RNF121: variants seen among roughly 807,000 people sequenced by gnomAD.
The protein encoded by RNF121 is ring finger protein 121.
Under a neutral mutation model 46.5 loss-of-function variants are expected in RNF121, and 21 were observed. The observed-to-expected ratio is 0.45, with a 90% CI of 0.32 to 0.65. The LOEUF (loss-of-function observed/expected upper bound fraction) is 0.65. Among genes scored for constraint, RNF121 ranks in the 30% least tolerant of loss-of-function variants. The pLI is 0.04. For missense variants in RNF121, 346 were observed against 416.0 expected, an observed-to-expected ratio of 0.83 and a Z score of 1.46; for synonymous variants, 139 against 144.7, an observed-to-expected ratio of 0.96 and a Z score of 0.28.
At position 71,990,720 on chromosome 11, in the gene RNF121, A is replaced by G. The variant is rs1311607480; in HGVS notation, c.627+3A>G. On this transcript the variant is annotated splice_donor_region_variant and intron_variant, in intron 6 of 8. Coordinates refer to ENST00000361756, the MANE Select transcript of RNF121 (RefSeq NM_018320.5). Reference sequence around the variant, plus strand: ...ACTACATGGCATCTACCATAGGGGTAAGTTCATCCGGGTTCTTAAATACTG... The same window carrying G: ...ACTACATGGCATCTACCATAGGGGTGAGTTCATCCGGGTTCTTAAATACTG... The G allele has an allele frequency of 1.9e-6, 3 of 1,613,588 alleles. No individual in the cohort carries two copies. The highest frequency in any genetic ancestry group is 2.2e-5 in the East Asian group (1 of 44,878).
chr11:71,985,169 C>G (rs911006853), intron 4 of RNF121, among the ~76,000 whole-genome samples: 1 of 152,056 alleles, frequency 6.6e-6, no homozygotes, highest in Non-Finnish European at 1.5e-5. Context: ...TCAAAGAATC[C>G]TCCCACTTCA....
chr11:71,991,157 G>A (rs1954856423), intron 6 of RNF121, among the ~76,000 whole-genome samples: 1 of 151,968 alleles, frequency 6.6e-6, no homozygotes, highest in African/African-American at 2.4e-5. Flanking sequence ...TCGCACCCCA[G>A]ACCTCAGTAT....
chr11:71,989,732 C>G (rs1225179393), intron 5 of RNF121, among the ~76,000 whole-genome samples: 3 of 152,086 alleles, frequency 2.0e-5, no homozygotes, highest in African/African-American at 7.2e-5. Context: ...GATCTTTATC[C>G]TTCTTGTTAA....
chr11:71,981,298 C>T (rs1954649285), intron 3 of RNF121, among the ~76,000 whole-genome samples: 1 of 152,170 alleles, frequency 6.6e-6, no homozygotes, highest in Non-Finnish European at 1.5e-5. Context: ...GATCCACCCA[C>T]CTCAGCCTCC....
chr11:71,987,158 A>C (rs1459357835), intron 5 of RNF121, 47 bp downstream of exon 5: 3 of 1,209,146 alleles, frequency 2.5e-6, no homozygotes, highest in East Asian at 2.3e-5. Context: ...GGGAGGAGTG[A>C]CTGTTGAGAT....
chr11:71,979,988 G>A (rs1954612994), intron 3 of RNF121, among the ~76,000 whole-genome samples: 1 of 152,160 alleles, frequency 6.6e-6, no homozygotes. Context: ...TCATGAGTTG[G>A]GTTGCGTTTT....
At chr11:71,950,926 G>T (rs932417722) in intron 1 of RNF121, among the ~76,000 whole-genome samples, 1 of 152,144 alleles carries the variant, frequency 6.6e-6, no homozygotes, top group South Asian at 2.1e-4. Flanking sequence ...CATTTTAGCT[G>T]AAGAATGCAA....
chr11:71,932,383 T>C (rs909012025), intron 1 of RNF121, among the ~76,000 whole-genome samples: 14 of 152,252 alleles, frequency 9.2e-5, no homozygotes, highest in Non-Finnish European at 1.8e-4. Context: ...GAAGTACAGC[T>C]TCTGATCCAG....
rs184118409 is a variant in RNF121, at chr11:71,977,847, G to A, written c.244-4914G>A. Reference sequence around the variant, plus strand: ...GTTTATATCGCATTAGCCAAGTCCTGGAGGGCCAAGGCTTTCATGCTTTCC... The same window carrying A: ...GTTTATATCGCATTAGCCAAGTCCTAGAGGGCCAAGGCTTTCATGCTTTCC... On this transcript the variant is annotated intron_variant, in intron 3 of 8. Transcript: ENST00000361756. 2.6e-5 allele frequency among the ~76,000 whole-genome samples: 4 copies of A among 152,248 alleles called. No individual in the cohort carries two copies. In the East Asian group the frequency reaches 7.7e-4, roughly 29 times the overall value.
chr11:71,942,785 T>TATATATATATATATATATATATATAG (rs1445316481), intron 1 of RNF121, among the ~76,000 whole-genome samples: 6 of 9,352 alleles, frequency 6.4e-4, no homozygotes, highest in East Asian at 5.1e-3. Context: ...TATATATATA[T>TATATATATATATATATATATATATAG]ATATAGATAT....
intron 1 of RNF121, among the ~76,000 whole-genome samples, chr11:71,946,867 CTTTTTTTTTTT>C (rs34778760): frequency 2.0e-5 from 2 of 98,408 alleles, no homozygotes. Flanking sequence ...TGCTCTGGCT[CTTTTTTTTTTT>C]TTTTTTTTTG....
chr11:71,986,823 A>C (rs1170818330), intron 4 of RNF121, among the ~76,000 whole-genome samples, 181 bp from the exon 5 acceptor site: 1 of 151,680 alleles, frequency 6.6e-6, no homozygotes, highest in Non-Finnish European at 1.5e-5. Flanking sequence ...TCTTGAGTAT[A>C]TGGAGGCATT....
At chr11:71,985,853 G>A (rs1379075000) in intron 4 of RNF121, among the ~76,000 whole-genome samples, 2 of 152,090 alleles carry the variant, frequency 1.3e-5, no homozygotes, top group Non-Finnish European at 2.9e-5. Context: ...AGCACTTTGG[G>A]AGGCTGAGGT....
At chr11:71,979,756 G>A (rs915042319) in intron 3 of RNF121, among the ~76,000 whole-genome samples, 1 of 152,184 alleles carries the variant, frequency 6.6e-6, no homozygotes, top group African/African-American at 2.4e-5. Flanking sequence ...GAGGATCTTA[G>A]CGCAGGCTGG....
intron 3 of RNF121, among the ~76,000 whole-genome samples, chr11:71,966,069 G>A (rs138438224): frequency 0.025 from 3,873 of 152,214 alleles, 156 homozygotes; most frequent in African/African-American, 0.089. Context: ...GCCCAGGCTG[G>A]AGTGCAATGG....
chr11:71,975,113 G>A (rs534859125), intron 3 of RNF121, among the ~76,000 whole-genome samples: 15 of 152,242 alleles, frequency 9.9e-5, no homozygotes, highest in South Asian at 2.1e-4. Context: ...TCCTGGAACC[G>A]GTGAGTGGCA....
At chr11:71,981,681 C>G (rs1954663441) in intron 3 of RNF121, among the ~76,000 whole-genome samples, 1 of 152,154 alleles carries the variant, frequency 6.6e-6, no homozygotes, top group Non-Finnish European at 1.5e-5. Flanking sequence ...AGGGAAGGCT[C>G]TGAAGGAGGG....
At chr11:71,978,962 T>G (rs1358884977) in intron 3 of RNF121, among the ~76,000 whole-genome samples, 1 of 152,244 alleles carries the variant, frequency 6.6e-6, no homozygotes, top group Non-Finnish European at 1.5e-5. Flanking sequence ...CTTTAATGAT[T>G]CCTATTTGGA....
chr11:71,929,905 G>T (rs1029830179), intron 1 of RNF121, among the ~76,000 whole-genome samples: 2 of 152,144 alleles, frequency 1.3e-5, no homozygotes, highest in Non-Finnish European at 2.9e-5. Flanking sequence ...GATAGGGAAG[G>T]CTTCCCGGAG....
Sources: allele counts gnomAD v4.1 joint callset (sites outside exome capture counted in the v4.1 genomes callset), GRCh38; gene constraint gnomAD v4.1.1; transcripts MANE v1.5; gene names NCBI Gene and HGNC (gene_info 2026-07-23, HGNC 2026-07-21).